Variants in MAP7D2 observed in about 807,000 individuals in gnomAD.
MAP7D2 encodes MAP7 domain containing 2.
A neutral mutation model predicts 63.5 loss-of-function variants in MAP7D2; 33 were observed. The observed-to-expected ratio is 0.52, with a 90% CI of 0.39 to 0.70. The LOEUF (loss-of-function observed/expected upper bound fraction) is 0.70, where lower values mean the gene tolerates loss of function less well. Among genes scored for constraint, MAP7D2 ranks in the 30% least tolerant of loss-of-function variants. MAP7D2 has a pLI of 0.00. For missense variants in MAP7D2, 626 were observed against 604.0 expected, an observed-to-expected ratio of 1.04 and a Z score of -0.38; for synonymous variants, 224 against 223.7, an observed-to-expected ratio of 1.00 and a Z score of -0.01.
At position 20,094,501 on chromosome X, in the gene MAP7D2, T is replaced by TAC. The variant is rs1353879824; in HGVS notation, c.130+22248_130+22249insGT. The stretch of plus-strand genomic sequence containing the variant: ...AAAAATACATACATATATATATATA[T>TAC]ATATATATATATATGTATATATATA... On this transcript the variant is annotated intron_variant, in intron 1 of 16. Coordinates refer to ENST00000379643, the MANE Select transcript of MAP7D2 (RefSeq NM_001168465.2). Among the ~76,000 whole-genome samples, 87 of 19,273 alleles carry TAC rather than the reference T, an allele frequency of 4.5e-3. 5 individuals carry two copies. The highest frequency in any genetic ancestry group is 0.017 in the African/African-American group (83 of 5,007). The allele number at this position is 19,273 out of a possible 115,157, so 16.7% of individuals were successfully genotyped here.
intron 1 of MAP7D2, among the ~76,000 whole-genome samples, chrX:20,096,893 C>T (rs760101084): frequency 7.1e-5 from 8 of 112,043 alleles, no homozygotes; most frequent in Non-Finnish European, 1.1e-4. Flanking sequence ...AAAATGAATA[C>T]CCTTTTTGTA....
chrX:20,110,888 GC>G (rs1424226890), intron 1 of MAP7D2, among the ~76,000 whole-genome samples: 1 of 111,005 alleles, frequency 9.0e-6, no homozygotes, highest in African/African-American at 3.3e-5. Context: ...GGTGCATGCT[GC>G]CCTCACATCA....
intron 3 of MAP7D2, among the ~76,000 whole-genome samples, chrX:20,060,489 A>AG (rs1555900193): frequency 4.7e-5 from 5 of 107,522 alleles, no homozygotes; most frequent in African/African-American, 1.7e-4. Context: ...AAAGAAAGAA[A>AG]GAGAAAGAGG....
intron 1 of MAP7D2, among the ~76,000 whole-genome samples, chrX:20,066,482 T>C (rs771630330): frequency 8.9e-6 from 1 of 112,197 alleles, no homozygotes; most frequent in East Asian, 2.8e-4. Context: ...ATCAGGGATA[T>C]TAAAATGAGA....
chrX:20,055,758 C>T, intron 4 of MAP7D2: 1 of 998,889 alleles, frequency 1.0e-6, no homozygotes, highest in Non-Finnish European at 1.3e-6. Flanking sequence ...GCAGCTGCGG[C>T]AGTGGTCCCT....
chrX:20,049,066 C>T (rs1261804603), intron 6 of MAP7D2, among the ~76,000 whole-genome samples: 1 of 110,149 alleles, frequency 9.1e-6, no homozygotes, highest in African/African-American at 3.3e-5. Flanking sequence ...CAAGATTCCC[C>T]AAAGAAACTT....
At chrX:20,074,830 C>A (rs1349643810) in intron 1 of MAP7D2, among the ~76,000 whole-genome samples, 1 of 111,434 alleles carries the variant, frequency 9.0e-6, no homozygotes, top group Non-Finnish European at 1.9e-5. Context: ...ACAGGTGAAT[C>A]ACCTGAGGTC....
intron 1 of MAP7D2, among the ~76,000 whole-genome samples, chrX:20,066,246 C>T (rs1428940581): frequency 8.9e-6 from 1 of 112,003 alleles, no homozygotes; most frequent in African/African-American, 3.3e-5. Flanking sequence ...ACTTCCCCAG[C>T]ATCTGTGCCT....
intron 7 of MAP7D2, 107 bp downstream of exon 7, chrX:20,044,257 C>A: frequency 1.2e-6 from 1 of 830,658 alleles, no homozygotes; most frequent in Non-Finnish European, 1.7e-6. Flanking sequence ...TTGAGCAGTC[C>A]CAGGAGATTG....
chrX:20,109,345 C>T (rs946758478), intron 1 of MAP7D2, among the ~76,000 whole-genome samples: 1 of 108,485 alleles, frequency 9.2e-6, no homozygotes, highest in Non-Finnish European at 1.9e-5. Context: ...CATGGTAAAA[C>T]CCCATCTTTA....
Position 20,012,432 on chromosome X carries a change from C to T in MAP7D2, c.1989G>A (p.Gly663=), listed in dbSNP as rs748084908. Residue 663 remains glycine, a synonymous_variant, in exon 15 of 17, where the codon GGG becomes GGA. Coordinates refer to ENST00000379643, the MANE Select transcript of MAP7D2 (RefSeq NM_001168465.2). The part of the protein sequence containing the change: ...DIFSNGLKPA[G]GLIHLDALDG... ...CAAGGGCATCCAGATGAATGAGTCC[C>T]CCAGCTGGCTTAAGCCCATTAGAGA... 8.3e-7 allele frequency: 1 copy of T among 1,209,094 alleles called. No individual in the cohort carries two copies. Among genetic ancestry groups the T allele is most frequent in the South Asian group, 1.8e-5 (1 of 56,600 alleles).
At chrX:20,088,479 T>G (rs1328004766) in intron 1 of MAP7D2, among the ~76,000 whole-genome samples, 10 of 29,012 alleles carry the variant, frequency 3.4e-4, no homozygotes, top group South Asian at 2.3e-3. Flanking sequence ...TTTTTTTTTT[T>G]TTTTTTTTTT....
rs2073065503 is a variant in MAP7D2, at chrX:20,008,217, C to T, written c.*208G>A. 1.8e-5 allele frequency: 2 copies of T among 111,944 alleles called. No homozygotes were observed. The highest frequency in any genetic ancestry group is 7.4e-4 in the South Asian group (2 of 2,701). 9.2% of individuals were successfully genotyped at this position (111,944 alleles called of 1,213,427 possible). A position where few individuals can be genotyped will look rare whatever the true frequency, so the allele number is the denominator to read the frequency against. On this transcript the variant is annotated 3_prime_UTR_variant, in exon 17 of 17. Transcript: ENST00000379643. Reference sequence around the variant, plus strand: ...ACTGTAAAAGGAAACTTTGCTAAAGCCCAGCAAGGTGAAAGTTTCAAGGTT... The same window carrying T: ...ACTGTAAAAGGAAACTTTGCTAAAGTCCAGCAAGGTGAAAGTTTCAAGGTT...
chrX:20,026,010 G>A (rs968863482), intron 8 of MAP7D2, 58 bp from the exon 9 acceptor site: 67 of 1,130,525 alleles, frequency 5.9e-5, no homozygotes, highest in Non-Finnish European at 7.6e-5. Context: ...AGAGCTCTCT[G>A]TTCCTAAGAC....
At chrX:20,058,830 T>C (rs763098987) in intron 3 of MAP7D2, among the ~76,000 whole-genome samples, 1 of 112,477 alleles carries the variant, frequency 8.9e-6, no homozygotes, top group East Asian at 2.8e-4. Context: ...TTCATACATA[T>C]AGAAAACAAA....
chrX:20,112,236 A>G (rs780293338), intron 1 of MAP7D2, among the ~76,000 whole-genome samples: 9 of 111,885 alleles, frequency 8.0e-5, no homozygotes, highest in African/African-American at 1.3e-4. Flanking sequence ...CGAACCCAGC[A>G]CTGGTCAGAA....
chrX:20,050,394 T>A (rs2064914327), intron 6 of MAP7D2, among the ~76,000 whole-genome samples: 1 of 112,107 alleles, frequency 8.9e-6, no homozygotes, highest in Non-Finnish European at 1.9e-5. Flanking sequence ...TCTCATTTAA[T>A]CTTCAAAATA....
intron 1 of MAP7D2, among the ~76,000 whole-genome samples, chrX:20,074,435 G>A (rs369442204): frequency 1.8e-5 from 2 of 112,078 alleles, no homozygotes; most frequent in African/African-American, 6.5e-5. Flanking sequence ...AAAATCAACT[G>A]ACAGAATCTA....
At chrX:20,084,910 A>G (rs1268708511) in intron 1 of MAP7D2, among the ~76,000 whole-genome samples, 2 of 111,376 alleles carry the variant, frequency 1.8e-5, no homozygotes, top group Admixed American at 9.6e-5. Flanking sequence ...AGTAGTGGTA[A>G]GGCTTTTAAT....
Sources: gnomAD v4.1 joint callset for allele counts (sites outside exome capture counted in the v4.1 genomes callset) on GRCh38, gnomAD v4.1.1 for gene constraint, MANE v1.5 for transcripts, NCBI Gene and HGNC (gene_info 2026-07-23, HGNC 2026-07-21) for gene names.